The following SGCD variants were observed in gnomAD, a reference collection of about 807,000 sequenced individuals.
The protein encoded by SGCD is sarcoglycan delta.
A neutral mutation model predicts 36.6 loss-of-function variants in SGCD; 18 were observed. That is an observed-to-expected ratio of 0.49 (90% CI 0.34 to 0.73). SGCD has a LOEUF of 0.73. Ranked by LOEUF, SGCD falls within the 30% of genes least tolerant of loss-of-function variation. SGCD has a pLI of 0.01. For missense variants in SGCD, 387 were observed against 346.7 expected, an observed-to-expected ratio of 1.12 and a Z score of -0.92; for synonymous variants, 133 against 130.6, an observed-to-expected ratio of 1.02 and a Z score of -0.12.
intron 1 of SGCD, among the ~76,000 whole-genome samples, chr5:155,904,490 TTGTC>T (rs537919184): frequency 4.6e-5 from 7 of 152,240 alleles, no homozygotes; most frequent in Non-Finnish European, 8.8e-5. Context: ...CAATTGTACT[TTGTC>T]TATCATTTTT....
chr5:156,759,128 G>C, intron 8 of SGCD, 89 bp from the exon 9 acceptor site: 1 of 1,021,208 alleles, frequency 9.8e-7, no homozygotes, highest in Non-Finnish European at 1.5e-6. Flanking sequence ...GATTTCAGTT[G>C]AATTGAACAT....
the SGCD span, among the ~76,000 whole-genome samples, chr5:155,754,300 A>C: frequency 6.6e-6 from 1 of 152,196 alleles, no homozygotes; most frequent in African/African-American, 2.4e-5. Context: ...AAATTTTGTA[A>C]ACAGAGAAAT....
At chr5:156,499,829 G>A (rs1040532586) in intron 3 of SGCD, among the ~76,000 whole-genome samples, 12 of 152,092 alleles carry the variant, frequency 7.9e-5, no homozygotes, top group African/African-American at 2.4e-4. Flanking sequence ...GAGGAGCTAC[G>A]AAGAAGATGG....
At chr5:155,968,706 G>C (rs899821116) in intron 1 of SGCD, among the ~76,000 whole-genome samples, 4 of 151,926 alleles carry the variant, frequency 2.6e-5, no homozygotes, top group Non-Finnish European at 5.9e-5. Context: ...CTCAGATAAG[G>C]GGGGACTGCC....
At chr5:156,133,280 T>A (rs1295958762) in intron 3 of SGCD, among the ~76,000 whole-genome samples, 1 of 152,206 alleles carries the variant, frequency 6.6e-6, no homozygotes, top group African/African-American at 2.4e-5. Flanking sequence ...TAAAGAAATT[T>A]TATATAAATT....
At chr5:156,317,042 G>A (rs1767535301) in intron 3 of SGCD, among the ~76,000 whole-genome samples, 1 of 152,058 alleles carries the variant, frequency 6.6e-6, no homozygotes, top group Admixed American at 6.5e-5. Context: ...TAAATCATAA[G>A]AATTAATTGT....
At chr5:156,679,767 C>T (rs954877558) in intron 7 of SGCD, among the ~76,000 whole-genome samples, 3 of 152,174 alleles carry the variant, frequency 2.0e-5, no homozygotes, top group African/African-American at 7.2e-5. Context: ...TTCCTTCTTT[C>T]TTGCTTTTCT....
intron 4 of SGCD, among the ~76,000 whole-genome samples, chr5:156,581,362 G>C (rs572884912): frequency 6.6e-6 from 1 of 152,290 alleles, no homozygotes; most frequent in South Asian, 2.1e-4. Flanking sequence ...TCCCAGTTAG[G>C]CTACATGGGG....
chr5:156,458,631 A>G, intron 3 of SGCD: 3 of 639,596 alleles, frequency 4.7e-6, no homozygotes, highest in Admixed American at 2.7e-5. Context: ...AAAAAATACA[A>G]TATTCATGCA....
chr5:155,871,550 G>A (rs1561633118), intron 1 of SGCD, among the ~76,000 whole-genome samples: 1 of 152,170 alleles, frequency 6.6e-6, no homozygotes, highest in Non-Finnish European at 1.5e-5. Context: ...TTGTTCACTG[G>A]ACTGTAGGCC....
chr5:155,801,983 T>C, the SGCD span, among the ~76,000 whole-genome samples: 1 of 152,196 alleles, frequency 6.6e-6, no homozygotes, highest in Non-Finnish European at 1.5e-5. Flanking sequence ...TCTTTTAGAA[T>C]TGCTTTGCCA....
chr5:156,256,546 G>T (rs1399894224), intron 3 of SGCD, among the ~76,000 whole-genome samples: 1 of 152,030 alleles, frequency 6.6e-6, no homozygotes, highest in Non-Finnish European at 1.5e-5. Flanking sequence ...GATATATGAT[G>T]ATTTATTTAT....
At chr5:156,506,368 GACACAC>G (rs147030455) in intron 3 of SGCD, among the ~76,000 whole-genome samples, 2 of 149,908 alleles carry the variant, frequency 1.3e-5, no homozygotes, top group African/African-American at 4.9e-5. Context: ...CACACACACA[GACACAC>G]ACACACACAC....
intron 8 of SGCD, among the ~76,000 whole-genome samples, chr5:156,758,838 A>C (rs1757436904): frequency 6.6e-6 from 1 of 152,162 alleles, no homozygotes; most frequent in Non-Finnish European, 1.5e-5. Flanking sequence ...AAAATGTTAC[A>C]TACTCTATTC....
intron 2 of SGCD, among the ~76,000 whole-genome samples, chr5:156,335,494 C>G (rs770250434): frequency 6.6e-6 from 1 of 152,164 alleles, no homozygotes; most frequent in Non-Finnish European, 1.5e-5. Flanking sequence ...GAAGCCCAGT[C>G]TTCCTTCCCC....
At chr5:156,692,445 C>A (rs1754152818) in intron 7 of SGCD, among the ~76,000 whole-genome samples, 2 of 152,208 alleles carry the variant, frequency 1.3e-5, no homozygotes, top group African/African-American at 4.8e-5. Flanking sequence ...AGCTGAAGAT[C>A]TAACTCTGCT....
chr5:156,475,553 G>A (rs538103416), intron 3 of SGCD, among the ~76,000 whole-genome samples: 1 of 152,258 alleles, frequency 6.6e-6, no homozygotes, highest in East Asian at 1.9e-4. Flanking sequence ...CTGTCTCCAA[G>A]AGAACCTCAG....
the SGCD span, among the ~76,000 whole-genome samples, chr5:155,862,733 CAT>C: frequency 1.3e-5 from 2 of 152,190 alleles, no homozygotes; most frequent in Admixed American, 6.5e-5. Context: ...GAGAATAAGA[CAT>C]GTGTGATTTC....
the SGCD span, among the ~76,000 whole-genome samples, chr5:155,742,650 A>G: frequency 6.6e-6 from 1 of 152,114 alleles, no homozygotes; most frequent in Non-Finnish European, 1.5e-5. Context: ...GGTTCCCCCC[A>G]CCCACCTCAT....
Sources: gnomAD v4.1 joint callset for allele counts (sites outside exome capture counted in the v4.1 genomes callset) on GRCh38, gnomAD v4.1.1 for gene constraint, MANE v1.5 for transcripts, NCBI Gene and HGNC (gene_info 2026-07-23, HGNC 2026-07-21) for gene names.